The following UTP20 variants were observed in gnomAD, a reference collection of about 807,000 sequenced individuals.
UTP20 encodes UTP20 small subunit processome component.
A neutral mutation model predicts 329.5 loss-of-function variants in UTP20; 164 were observed. The observed-to-expected ratio is 0.50, with a 90% confidence interval of 0.44 to 0.57. UTP20 has a LOEUF of 0.57. Among genes scored for constraint, UTP20 ranks in the 20% least tolerant of loss-of-function variants. UTP20 has a pLI of 0.00. For missense variants in UTP20, 3,055 were observed against 3,284.2 expected, an observed-to-expected ratio of 0.93 and a Z score of 1.71; for synonymous variants, 1,151 against 1,159.3, an observed-to-expected ratio of 0.99 and a Z score of 0.14.
At position 101,320,788 on chromosome 12, in the gene UTP20, TA is replaced by T. The variant is rs370218841; in HGVS notation, c.2830-61del. On this transcript the variant is annotated intron_variant, in intron 23 of 61. Coordinates refer to ENST00000261637, the MANE Select transcript of UTP20 (RefSeq NM_014503.3). ...ATCTCATTTAGCAAATAACCACAAG[TA>T]AATTGCTATCCTATGGTATATGTAT... is the stretch of plus-strand genomic sequence containing the variant. 9.8e-5 allele frequency: 136 copies of T among 1,391,744 alleles called. 2 individuals are homozygous for T. In the African/African-American group the frequency reaches 1.7e-3, roughly 18 times the overall value. The allele number at this position is 1,391,744 out of a possible 1,614,324, so 86.2% of individuals were successfully genotyped here. A position where few individuals can be genotyped will look rare whatever the true frequency, so the allele number is the denominator to read the frequency against.
At chr12:101,376,529 G>C (rs1426291931) in intron 56 of UTP20, among the ~76,000 whole-genome samples, 1 of 152,020 alleles carries the variant, frequency 6.6e-6, no homozygotes, top group Non-Finnish European at 1.5e-5. Context: ...ATTCGTAACA[G>C]GGTCATTGTG....
rs576479587 is a variant in UTP20 at position 101,286,733 on chromosome 12, C to T, written c.515+224C>T. ...TATACCCACCCAAGAAGGCCTGACT[C>T]GGTCCCTACAGCCTCCACAAACAGG... On this transcript the variant is annotated intron_variant, in intron 5 of 61. Transcript: ENST00000261637. 6.5e-4 allele frequency among the ~76,000 whole-genome samples: 99 copies of T among 152,062 alleles called. 1 individual carries two copies. The highest frequency in any genetic ancestry group is 2.2e-3 in the African/African-American group (91 of 41,492).
In UTP20 at chr12:101,352,098, T is replaced by G; in HGVS notation, c.4928T>G (p.Ile1643Ser). The G allele has an allele frequency of 6.2e-7, 1 of 1,613,956 alleles. No homozygotes were observed. The highest frequency in any genetic ancestry group is 8.5e-7 in the Non-Finnish European group (1 of 1,179,974). Reference protein sequence around the residue: ...TTAATEIIGAICKHLSWSAYM... With the variant: ...TTAATEIIGASCKHLSWSAYM... ...GCTGCCACAGAGATTATTGGAGCCA[T>G]TTGCAAACATCTCTCTTGGTCAGCG... The change falls in exon 39 of 62, where the codon ATT (isoleucine) becomes AGT (serine). Residue 1643 changes from isoleucine to serine, a missense_variant. Physicochemically the swap from Ile to Ser is moderately radical, Grantham distance 142. Transcript: ENST00000261637.
At chr12:101,346,354 C>G (rs1869323467) in intron 37 of UTP20, 97 bp from the exon 38 acceptor site, 2 of 1,430,674 alleles carry the variant, frequency 1.4e-6, no homozygotes, top group Admixed American at 4.9e-5. Context: ...CTGGCCACTC[C>G]TTTAATCTTT....
At chr12:101,313,701 A>C (rs1426177839) in intron 21 of UTP20, among the ~76,000 whole-genome samples, 1 of 151,320 alleles carries the variant, frequency 6.6e-6, no homozygotes, top group Non-Finnish European at 1.5e-5. Flanking sequence ...AGCAGATCAG[A>C]TGTGGGACGG....
chr12:101,319,290 A>G (rs569050176), intron 22 of UTP20, among the ~76,000 whole-genome samples: 24 of 152,284 alleles, frequency 1.6e-4, no homozygotes, highest in African/African-American at 5.8e-4. Context: ...TTTTTGTTCA[A>G]TTTAAACCAT....
At chr12:101,307,487 C>A (rs1872672722) in intron 17 of UTP20, among the ~76,000 whole-genome samples, 1 of 152,124 alleles carries the variant, frequency 6.6e-6, no homozygotes, top group South Asian at 2.1e-4. Flanking sequence ...AGCGATCCTC[C>A]TGGCTCATCC....
chr12:101,325,379 G>GT (rs781637040), intron 25 of UTP20, among the ~76,000 whole-genome samples: 23 of 152,154 alleles, frequency 1.5e-4, no homozygotes, highest in Non-Finnish European at 2.8e-4. Flanking sequence ...CTGGCCAAAA[G>GT]TTTTTTATGC....
intron 39 of UTP20, 129 bp downstream of exon 39, chr12:101,352,323 A>C (rs1869555655): frequency 1.1e-6 from 1 of 933,594 alleles, no homozygotes. Flanking sequence ...GGTTGGTTCC[A>C]AGTCTTTGCT....
intron 2 of UTP20, 144 bp downstream of exon 2, chr12:101,281,340 A>G (rs749687990): frequency 9.4e-6 from 6 of 635,574 alleles, no homozygotes; most frequent in Non-Finnish European, 1.5e-5. Flanking sequence ...GTAGCCACAT[A>G]TGACAAATTG....
intron 37 of UTP20, 118 bp downstream of exon 37, chr12:101,345,812 T>A (rs1869304743): frequency 2.2e-6 from 2 of 913,720 alleles, no homozygotes; most frequent in Non-Finnish European, 3.2e-6. Flanking sequence ...TTCTCTTTCC[T>A]TGGTCTTTAT....
intron 30 of UTP20, 55 bp from the exon 31 acceptor site, chr12:101,338,758 C>G (rs1329126354): frequency 7.0e-7 from 1 of 1,426,846 alleles, no homozygotes; most frequent in Admixed American, 2.5e-5. Flanking sequence ...AGATTTTGTA[C>G]AATTATGCCT....
chr12:101,366,164 G>A (rs916857653), intron 46 of UTP20, among the ~76,000 whole-genome samples: 2 of 152,074 alleles, frequency 1.3e-5, no homozygotes, highest in Non-Finnish European at 2.9e-5. Flanking sequence ...CCCGGGAGGC[G>A]GAGGTTGGAG....
chr12:101,373,110 G>A, intron 52 of UTP20, 147 bp downstream of exon 52: 1 of 738,326 alleles, frequency 1.4e-6, no homozygotes, highest in Non-Finnish European at 2.2e-6. Flanking sequence ...TTGATAATCA[G>A]ACATTGTGCT....
chr12:101,347,152 T>C (rs1869352003), intron 38 of UTP20, among the ~76,000 whole-genome samples: 1 of 152,204 alleles, frequency 6.6e-6, no homozygotes, highest in Non-Finnish European at 1.5e-5. Flanking sequence ...CTTAGGGCTG[T>C]TTTAACCTTT....
intron 56 of UTP20, among the ~76,000 whole-genome samples, chr12:101,379,053 A>C (rs1870563567): frequency 6.6e-6 from 1 of 152,200 alleles, no homozygotes; most frequent in Non-Finnish European, 1.5e-5. Context: ...CTTCCCCTTG[A>C]ACATTTATTC....
intron 49 of UTP20, 132 bp downstream of exon 49, chr12:101,370,023 G>A: frequency 1.2e-6 from 1 of 857,046 alleles, no homozygotes; most frequent in Non-Finnish European, 1.7e-6. Context: ...AGACCAGCTG[G>A]GTCAGCATAA....
At position 101,367,615 on chromosome 12, in the gene UTP20, G is replaced by A. The variant is rs551794012; in HGVS notation, c.6268-245G>A. On this transcript the variant is annotated intron_variant, in intron 47 of 61. Coordinates refer to ENST00000261637, the MANE Select transcript of UTP20 (RefSeq NM_014503.3). ...TATCCTGCGTACTGAGCCAGTGCCT[G>A]GAATCACAGTAGATGCTGAGAAAAT... is the stretch of plus-strand genomic sequence containing the variant. Among the ~76,000 whole-genome samples the A allele has an allele frequency of 1.2e-4, 18 of 152,274 alleles. No individual in the cohort carries two copies. The East Asian group carries it at 3.5e-3, about 29-fold the overall frequency.
intron 27 of UTP20, among the ~76,000 whole-genome samples, chr12:101,332,135 C>T (rs1485929422): frequency 3.9e-5 from 6 of 151,982 alleles, no homozygotes; most frequent in Admixed American, 1.3e-4. Context: ...ATGGGGAGTT[C>T]GAGACCAGCC....
Sources: gnomAD v4.1 joint callset for allele counts (sites outside exome capture counted in the v4.1 genomes callset) on GRCh38, gnomAD v4.1.1 for gene constraint, MANE v1.5 for transcripts, NCBI Gene and HGNC (gene_info 2026-07-23, HGNC 2026-07-21) for gene names.